The following BTBD7 variants were observed in gnomAD, a reference collection of about 807,000 sequenced individuals.
BTBD7 encodes BTB/POZ domain-containing protein 7.
A neutral mutation model predicts 99.9 loss-of-function variants in BTBD7; 38 were observed. That is an observed-to-expected ratio of 0.38 (90% CI 0.29 to 0.50). The LOEUF is 0.50. Ranked by LOEUF, BTBD7 falls within the 20% of genes least tolerant of loss-of-function variation. BTBD7 has a pLI of 0.93. For missense variants in BTBD7, 1,170 were observed against 1,394.6 expected (o/e 0.84, Z 2.57); for synonymous variants, 520 against 511.4 (o/e 1.02, Z -0.23).
rs2052181748 is a variant in BTBD7 at position 93,238,171 on chromosome 14, C to T, written c.*4102G>A. ...CAAGAGGTTATTTTCAAGACACACA[C>T]TTGCAAGTAATCTTTCTATAGAAAT... On this transcript the variant is annotated 3_prime_UTR_variant, in exon 11 of 11. Transcript: ENST00000334746. 1 of 152,530 alleles carries T rather than the reference C, an allele frequency of 6.6e-6. No homozygotes were observed. The highest frequency in any genetic ancestry group is 2.4e-5 in the African/African-American group (1 of 41,396). The allele number at this position is 152,530 out of a possible 1,614,324, so 9.4% of individuals were successfully genotyped here.
chr14:93,311,633 C>T (rs940703585), intron 1 of BTBD7, among the ~76,000 whole-genome samples: 1 of 152,046 alleles, frequency 6.6e-6, no homozygotes, highest in African/African-American at 2.4e-5. Flanking sequence ...CATATGAAAA[C>T]CCTCTATTCT....
chr14:93,290,680 G>C (rs1396475463), intron 3 of BTBD7, among the ~76,000 whole-genome samples: 1 of 151,380 alleles, frequency 6.6e-6, no homozygotes, highest in African/African-American at 2.4e-5. Context: ...ACCACACCCA[G>C]CTAAATTTTT....
intron 10 of BTBD7, among the ~76,000 whole-genome samples, chr14:93,245,392 C>T (rs969206754): frequency 1.3e-5 from 2 of 152,270 alleles, no homozygotes; most frequent in South Asian, 2.1e-4. Context: ...TTATTCCTGA[C>T]GGTATACTGT....
In BTBD7 at chr14:93,332,317, C is replaced by G. The variant is rs988543682; in HGVS notation, c.-107+503G>C. The G allele has an allele frequency of 2.0e-5, 3 of 152,382 alleles. No individual in the cohort carries two copies. In the East Asian group the frequency reaches 5.8e-4, roughly 29 times the overall value. 9.4% of individuals were successfully genotyped at this position (152,382 alleles called of 1,614,324 possible). On this transcript the variant is annotated intron_variant, in intron 1 of 10. Transcript: ENST00000334746. ...ATAGTAACTTACCCGGACAATCTAA[C>G]TTCCCCTGGGAGTAGCAGTCCTCAG...
At chr14:93,248,705 A>T in intron 8 of BTBD7, 51 bp from the exon 9 acceptor site, 1 of 1,487,846 alleles carries the variant, frequency 6.7e-7, no homozygotes, top group Non-Finnish European at 9.0e-7. Flanking sequence ...TACACAAAAG[A>T]CGACCCCGTG....
intron 1 of BTBD7, among the ~76,000 whole-genome samples, chr14:93,318,752 G>GA (rs2053236862): frequency 6.6e-6 from 1 of 152,184 alleles, no homozygotes; most frequent in African/African-American, 2.4e-5. Context: ...TATGCTACCA[G>GA]AAAGTTTGGG....
intron 1 of BTBD7, among the ~76,000 whole-genome samples, chr14:93,317,639 C>T (rs2053222775): frequency 6.6e-6 from 1 of 152,150 alleles, no homozygotes; most frequent in Non-Finnish European, 1.5e-5. Flanking sequence ...AAAAAGACAA[C>T]ATAGCAGGCC....
chr14:93,276,344 T>C (rs571263078), intron 3 of BTBD7, among the ~76,000 whole-genome samples: 33 of 152,164 alleles, frequency 2.2e-4, no homozygotes, highest in Non-Finnish European at 4.4e-4. Flanking sequence ...TCTGAGACAA[T>C]CTCTGGATTA....
chr14:93,272,537 A>ATTTTT (rs922326400), intron 3 of BTBD7, among the ~76,000 whole-genome samples: 1 of 152,116 alleles, frequency 6.6e-6, no homozygotes, highest in Non-Finnish European at 1.5e-5. Context: ...CTTAGTTCAA[A>ATTTTT]TCCTTAGCAT....
At chr14:93,261,233 T>C (rs71429788) in intron 5 of BTBD7, among the ~76,000 whole-genome samples, 26,000 of 152,212 alleles carry the variant, frequency 0.17, 2,405 homozygotes, top group East Asian at 0.31. Context: ...TATACTTGTA[T>C]TGTTGTGCAA....
chr14:93,273,120 TC>T (rs2052618014), intron 3 of BTBD7, among the ~76,000 whole-genome samples: 1 of 152,032 alleles, frequency 6.6e-6, no homozygotes, highest in Non-Finnish European at 1.5e-5. Flanking sequence ...GCAAAAGGTC[TC>T]CCCCTCCCAT....
chr14:93,261,482 C>A, intron 5 of BTBD7, 120 bp downstream of exon 5: 1 of 797,190 alleles, frequency 1.3e-6, no homozygotes, highest in South Asian at 1.5e-5. Context: ...GTGGTAAAAA[C>A]TTCCATTTTC....
At chr14:93,290,154 A>C (rs113571256) in intron 3 of BTBD7, among the ~76,000 whole-genome samples, 11,671 of 150,180 alleles carry the variant, frequency 0.078, 949 homozygotes, top group African/African-American at 0.21. Context: ...CGCACCTGGC[A>C]CCAAGAATCC....
At chr14:93,315,629 C>T (rs1595338987) in intron 1 of BTBD7, among the ~76,000 whole-genome samples, 1 of 152,198 alleles carries the variant, frequency 6.6e-6, no homozygotes, top group African/African-American at 2.4e-5. Flanking sequence ...TTATTTTGGA[C>T]ATTTTATATA....
intron 6 of BTBD7, chr14:93,256,229 G>A (rs917838544): frequency 6.6e-6 from 1 of 152,020 alleles, no homozygotes; most frequent in Non-Finnish European, 1.5e-5. Context: ...ACATTGACTT[G>A]TGATAGTTCG....
intron 3 of BTBD7, among the ~76,000 whole-genome samples, chr14:93,268,221 T>C (rs1320264040): frequency 9.0e-6 from 1 of 110,738 alleles, no homozygotes; most frequent in Non-Finnish European, 1.8e-5. Flanking sequence ...TCAGCTTAGA[T>C]GCTGCCTCTT....
At chr14:93,311,294 G>A (rs2139804628) in intron 1 of BTBD7, among the ~76,000 whole-genome samples, 1 of 152,186 alleles carries the variant, frequency 6.6e-6, no homozygotes, top group South Asian at 2.1e-4. Context: ...CGAGAGCAGA[G>A]GTTACCTTAC....
At chr14:93,303,277 C>A (rs1164690070) in intron 1 of BTBD7, among the ~76,000 whole-genome samples, 1 of 151,996 alleles carries the variant, frequency 6.6e-6, no homozygotes, top group Non-Finnish European at 1.5e-5. Context: ...ATAATAACAC[C>A]TACTTTACAA....
chr14:93,329,684 A>T (rs2053377141), intron 1 of BTBD7, among the ~76,000 whole-genome samples: 5 of 152,254 alleles, frequency 3.3e-5, no homozygotes, highest in Admixed American at 3.3e-4. Flanking sequence ...AAGTGAAATA[A>T]GCCAGATATA....
Sources: gnomAD v4.1 joint callset for allele counts (sites outside exome capture counted in the v4.1 genomes callset) on GRCh38, gnomAD v4.1.1 for gene constraint, MANE v1.5 for transcripts, NCBI Gene and HGNC (gene_info 2026-07-23, HGNC 2026-07-21) for gene names.